The following JAZF1 variants were observed in gnomAD, a reference collection of about 807,000 sequenced individuals.
The protein encoded by JAZF1 is JAZF zinc finger 1.
In JAZF1, 8 loss-of-function variants were observed where a neutral mutation model predicts 26.4. The observed-to-expected ratio is 0.30, with a 90% CI of 0.18 to 0.55. JAZF1 has a LOEUF of 0.55. JAZF1 is among the 20% of genes least tolerant of loss of function. The pLI, the probability that JAZF1 is intolerant of heterozygous loss-of-function variation, is 0.94. For missense variants in JAZF1, 199 were observed against 322.0 expected (o/e 0.62, Z 2.92); for synonymous variants, 126 against 122.3 (o/e 1.03, Z -0.20).
At chr7:27,928,943 G>C (rs187530328) in intron 2 of JAZF1, among the ~76,000 whole-genome samples, 47 of 152,232 alleles carry the variant, frequency 3.1e-4, no homozygotes, top group Non-Finnish European at 5.9e-4. Context: ...ATGTACCCCT[G>C]GACTTAAAAG....
chr7:27,966,985 C>A (rs1785287394), intron 2 of JAZF1, among the ~76,000 whole-genome samples: 1 of 152,202 alleles, frequency 6.6e-6, no homozygotes, highest in African/African-American at 2.4e-5. Flanking sequence ...GTCTAAGGAA[C>A]TGACTAGTCA....
At chr7:28,140,158 C>T (rs1166129081) in intron 1 of JAZF1, among the ~76,000 whole-genome samples, 1 of 149,650 alleles carries the variant, frequency 6.7e-6, no homozygotes, top group Non-Finnish European at 1.5e-5. Flanking sequence ...TCTTGGATCA[C>T]TACAACCTTC....
chr7:27,943,354 C>G (rs981893570), intron 2 of JAZF1, among the ~76,000 whole-genome samples: 1 of 152,128 alleles, frequency 6.6e-6, no homozygotes, highest in Non-Finnish European at 1.5e-5. Flanking sequence ...GGAAACAATG[C>G]AGAGGAAAGG....
rs1180707989 is a variant in JAZF1 at position 28,170,335 on chromosome 7, ATATG to A, written c.115+10124_115+10127del. Among the ~76,000 whole-genome samples, 74 of 140,170 alleles carry A rather than the reference ATATG, an allele frequency of 5.3e-4. 2 individuals carry two copies. Among genetic ancestry groups the A allele is most frequent in the African/African-American group, 1.8e-3 (66 of 37,342 alleles). The allele number at this position is 140,170 out of a possible 152,430, so 92.0% of individuals were successfully genotyped here. ...GAAATCTGAAGTAAAAGAGAAGTTG[ATATG>A]TGTGTGTGTGTGTGTGTGTGTGTGT... On this transcript the variant is annotated intron_variant, in intron 1 of 4. Transcript: ENST00000283928.
chr7:28,175,365 G>A (rs918181709), intron 1 of JAZF1, among the ~76,000 whole-genome samples: 17 of 152,182 alleles, frequency 1.1e-4, no homozygotes, highest in South Asian at 2.1e-4. Flanking sequence ...TGTTAATCTC[G>A]AAGGTAGACT....
chr7:27,859,257 G>A (rs1418093848), intron 3 of JAZF1, among the ~76,000 whole-genome samples: 1 of 152,146 alleles, frequency 6.6e-6, no homozygotes, highest in Non-Finnish European at 1.5e-5. Context: ...GAAACAGGAA[G>A]GCTTTTACAC....
intron 3 of JAZF1, among the ~76,000 whole-genome samples, chr7:27,855,748 G>A (rs1413332749): frequency 6.6e-6 from 1 of 152,088 alleles, no homozygotes; most frequent in Non-Finnish European, 1.5e-5. Context: ...AGAAGCCCAG[G>A]ACCAGATGGA....
chr7:28,033,851 T>C (rs1783235029), intron 1 of JAZF1, among the ~76,000 whole-genome samples: 1 of 152,048 alleles, frequency 6.6e-6, no homozygotes, highest in East Asian at 1.9e-4. Context: ...CAAGCAATTC[T>C]CCCTGCCTCA....
At chr7:28,079,335 C>A (rs1412875632) in intron 1 of JAZF1, among the ~76,000 whole-genome samples, 1 of 152,110 alleles carries the variant, frequency 6.6e-6, no homozygotes, top group Non-Finnish European at 1.5e-5. Context: ...GGACTCTGAT[C>A]ACCAAATTCC....
intron 2 of JAZF1, among the ~76,000 whole-genome samples, chr7:27,983,002 G>C (rs1785618826): frequency 6.6e-6 from 1 of 152,210 alleles, no homozygotes; most frequent in Non-Finnish European, 1.5e-5. Flanking sequence ...AACCAGAGCA[G>C]AAAAGCTGAA....
intron 1 of JAZF1, among the ~76,000 whole-genome samples, chr7:28,042,984 A>G (rs1029254341): frequency 2.6e-5 from 4 of 152,184 alleles, no homozygotes; most frequent in African/African-American, 9.6e-5. Flanking sequence ...TCTACTAAGT[A>G]CGTGTGCTTT....
intron 2 of JAZF1, among the ~76,000 whole-genome samples, chr7:27,977,884 G>C (rs1246832445): frequency 1.3e-5 from 2 of 152,164 alleles, no homozygotes; most frequent in African/African-American, 4.8e-5. Context: ...GGTGATCATG[G>C]GGCTCACCTC....
chr7:27,850,836 G>C (rs531399158), intron 3 of JAZF1, among the ~76,000 whole-genome samples: 12 of 145,144 alleles, frequency 8.3e-5, no homozygotes, highest in Non-Finnish European at 1.1e-4. Flanking sequence ...TTTTACTTAA[G>C]AACTATTTGT....
chr7:28,168,730 G>T (rs1192335374), intron 1 of JAZF1, among the ~76,000 whole-genome samples: 1 of 152,174 alleles, frequency 6.6e-6, no homozygotes, highest in African/African-American at 2.4e-5. Flanking sequence ...TATATTAAAG[G>T]CCTGCCTCCA....
At chr7:27,936,638 A>C (rs1018908625) in intron 2 of JAZF1, among the ~76,000 whole-genome samples, 2 of 152,240 alleles carry the variant, frequency 1.3e-5, no homozygotes, top group African/African-American at 4.8e-5. Context: ...GAAAGAGTAC[A>C]TAAGCTTTCA....
At chr7:28,175,323 A>C (rs2127955718) in intron 1 of JAZF1, among the ~76,000 whole-genome samples, 1 of 152,322 alleles carries the variant, frequency 6.6e-6, no homozygotes, top group Admixed American at 6.5e-5. Context: ...AAAATGCCCA[A>C]AACAGCACCA....
At chr7:27,875,848 G>A (rs1032743871) in intron 3 of JAZF1, among the ~76,000 whole-genome samples, 1 of 152,194 alleles carries the variant, frequency 6.6e-6, no homozygotes, top group African/African-American at 2.4e-5. Context: ...GTTATACCTG[G>A]AAAACTAGTA....
chr7:27,964,516 C>CA (rs1785239913), intron 2 of JAZF1, among the ~76,000 whole-genome samples: 1 of 151,742 alleles, frequency 6.6e-6, no homozygotes, highest in Admixed American at 6.6e-5. Flanking sequence ...GAATGGGACT[C>CA]AAAAAATTGA....
At chr7:28,033,227 T>C (rs1783223356) in intron 1 of JAZF1, among the ~76,000 whole-genome samples, 1 of 152,238 alleles carries the variant, frequency 6.6e-6, no homozygotes, top group African/African-American at 2.4e-5. Context: ...GGAACATCGA[T>C]TATGCGATCA....
Sources: gnomAD v4.1 joint callset for allele counts (sites outside exome capture counted in the v4.1 genomes callset) on GRCh38, gnomAD v4.1.1 for gene constraint, MANE v1.5 for transcripts, NCBI Gene and HGNC (gene_info 2026-07-23, HGNC 2026-07-21) for gene names.